DENND5A: variants seen among roughly 807,000 people sequenced by gnomAD.
The protein encoded by DENND5A is DENN domain containing 5A.
A neutral mutation model predicts 140.3 loss-of-function variants in DENND5A; 64 were observed. The observed-to-expected ratio is 0.46, with a 90% CI of 0.37 to 0.56. The LOEUF is 0.56. Among genes scored for constraint, DENND5A ranks in the 20% least tolerant of loss-of-function variants. The pLI, the probability that DENND5A is intolerant of heterozygous loss-of-function variation, is 0.00. For missense variants in DENND5A, 1,292 were observed against 1,593.8 expected (o/e 0.81, Z 3.22); for synonymous variants, 605 against 607.7 (o/e 1.00, Z 0.07).
At chr11:9,176,290 A>G (rs968945349) in intron 8 of DENND5A, among the ~76,000 whole-genome samples, 1 of 152,282 alleles carries the variant, frequency 6.6e-6, no homozygotes, top group Non-Finnish European at 1.5e-5. Flanking sequence ...CATCTGGCAA[A>G]TATTTCTTGA....
rs1847405428 is a variant in DENND5A, at chr11:9,145,660, T to A, written c.3003+10A>T. The A allele has an allele frequency of 1.2e-6, 2 of 1,613,918 alleles. No individual in the cohort carries two copies. The highest frequency in any genetic ancestry group is 1.7e-6 in the Non-Finnish European group (2 of 1,179,978). On this transcript the variant is annotated intron_variant, in intron 17 of 22. Transcript: ENST00000328194. ...ATCCCCACAGAGCTGTGGCCCCAAATAACACATACCTCGAAGGTCATCTCT... is the reference window on the plus strand; with the variant it reads ...ATCCCCACAGAGCTGTGGCCCCAAAAAACACATACCTCGAAGGTCATCTCT...
chr11:9,252,293 C>T (rs1851760174), intron 1 of DENND5A, among the ~76,000 whole-genome samples: 1 of 106,650 alleles, frequency 9.4e-6, no homozygotes, highest in Admixed American at 1.0e-4. Flanking sequence ...AAGACTCCGT[C>T]TCAAAAAAAA....
intron 1 of DENND5A, among the ~76,000 whole-genome samples, chr11:9,227,881 C>A (rs768992847): frequency 6.6e-6 from 1 of 151,536 alleles, no homozygotes; most frequent in Non-Finnish European, 1.5e-5. Flanking sequence ...GCCGTGGGGG[C>A]GGGTGGCGAA....
chr11:9,226,321 TA>T (rs1325229115), intron 1 of DENND5A, among the ~76,000 whole-genome samples: 1 of 152,206 alleles, frequency 6.6e-6, no homozygotes. Context: ...CCCTACGGTA[TA>T]ATTTGTCTGG....
intron 1 of DENND5A, chr11:9,245,309 C>CA (rs1046155668): frequency 1.4e-5 from 2 of 141,558 alleles, no homozygotes; most frequent in East Asian, 2.1e-4. Context: ...ACAAAAAAAA[C>CA]AAAAAATGCA....
At chr11:9,208,509 T>G (rs562592198) in intron 1 of DENND5A, among the ~76,000 whole-genome samples, 1 of 152,140 alleles carries the variant, frequency 6.6e-6, no homozygotes, top group South Asian at 2.1e-4. Context: ...ACCTCAAAAG[T>G]TTCTAAAAGA....
At chr11:9,187,108 T>G (rs1848939257) in intron 5 of DENND5A, among the ~76,000 whole-genome samples, 1 of 151,840 alleles carries the variant, frequency 6.6e-6, no homozygotes, top group African/African-American at 2.4e-5. Context: ...GAAGAAAGAA[T>G]TGAGCTAAAG....
At chr11:9,169,250 C>T (rs1395607564) in intron 10 of DENND5A, among the ~76,000 whole-genome samples, 3 of 152,056 alleles carry the variant, frequency 2.0e-5, no homozygotes, top group African/African-American at 7.2e-5. Context: ...TGTTTGAGAC[C>T]AGCCTGGCCA....
intron 1 of DENND5A, among the ~76,000 whole-genome samples, chr11:9,225,413 A>C (rs548870214): frequency 2.6e-5 from 4 of 152,212 alleles, no homozygotes; most frequent in Non-Finnish European, 5.9e-5. Context: ...CTGAATGAAC[A>C]CATGGTTAGT....
In DENND5A at chr11:9,165,926, G is replaced by A. The variant is rs1848175220; in HGVS notation, c.2193C>T (p.Arg731=). Residue 731 remains arginine (R), a synonymous_variant, in exon 11 of 23, where the codon CGC becomes CGT. Transcript: ENST00000328194. ...QEARTMGSTI[R]QPKLSNLSPS... ...GAGAGAGGTTGGACAGTTTGGGCTG[G>A]CGGATAGTGCTGCCCATAGTCCTGG... 1.2e-6 allele frequency: 2 copies of A among 1,613,976 alleles called. No homozygotes were observed. Among genetic ancestry groups the A allele is most frequent in the Admixed American group, 3.3e-5 (2 of 59,996 alleles).
chr11:9,183,401 A>C (rs1378444853), intron 5 of DENND5A, among the ~76,000 whole-genome samples: 2 of 152,092 alleles, frequency 1.3e-5, no homozygotes, highest in Non-Finnish European at 2.9e-5. Context: ...TATGCCTTTA[A>C]ATTTTTACAT....
rs180929808 is a variant in DENND5A at position 9,257,371 on chromosome 11, C to T, written c.109+7590G>A. ...CTACGGGCCTGGGAGGTCGAGGCTG[C>T]AGTGAGTCATGATTGTGCCACTGCA... is the stretch of plus-strand genomic sequence containing the variant. On this transcript the variant is annotated intron_variant, in intron 1 of 22. Coordinates refer to ENST00000328194, the MANE Select transcript of DENND5A (RefSeq NM_015213.4). 2.2e-4 allele frequency among the ~76,000 whole-genome samples: 32 copies of T among 147,686 alleles called. No individual in the cohort carries two copies. The Middle Eastern group carries it at 0.01, about 48-fold the overall frequency.
At chr11:9,192,364 C>T (rs1056997694) in intron 5 of DENND5A, among the ~76,000 whole-genome samples, 15 of 152,214 alleles carry the variant, frequency 9.9e-5, no homozygotes, top group African/African-American at 3.6e-4. Context: ...CGCGGTGGCT[C>T]ACGCCTGTAA....
intron 1 of DENND5A, among the ~76,000 whole-genome samples, chr11:9,223,231 GA>G (rs957037472): frequency 5.4e-5 from 8 of 148,334 alleles, no homozygotes; most frequent in East Asian, 3.9e-4. Flanking sequence ...TTTACCAAAA[GA>G]AAAAAAAAAT....
chr11:9,207,201 A>T (rs1381602903), intron 2 of DENND5A: 1 of 471,172 alleles, frequency 2.1e-6, no homozygotes, highest in African/African-American at 2.0e-5. Flanking sequence ...TATGCATTTC[A>T]ATGATCTCTG....
At chr11:9,148,920 C>A (rs1343757237) in intron 15 of DENND5A, among the ~76,000 whole-genome samples, 3 of 152,138 alleles carry the variant, frequency 2.0e-5, no homozygotes, top group Non-Finnish European at 2.9e-5. Context: ...GAGAAAGCAA[C>A]AAAGAAACTG....
chr11:9,170,733 T>C lies in DENND5A; in HGVS notation c.1951A>G (p.Ile651Val), dbSNP rs766374994. 1.3e-5 allele frequency: 21 copies of C among 1,613,810 alleles called. No individual in the cohort carries two copies. The highest frequency in any genetic ancestry group is 8.0e-5 in the African/African-American group (6 of 74,820). ...TTCATGTCAAGTAAATGTGGGTGAA[T>C]TGCAGTATGGTCAATTTTTGCCAGA... ...LRLAKIDHTA[I>V]HPHLLDMKIG... is the part of the protein sequence containing the mutation. The change falls in exon 9 of 23, where the codon ATT (isoleucine) becomes GTT (valine). Residue 651 changes from isoleucine (I) to valine (V), a missense_variant. Coordinates refer to ENST00000328194, the MANE Select transcript of DENND5A (RefSeq NM_015213.4).
chr11:9,246,552 C>T (rs893370125), intron 1 of DENND5A, among the ~76,000 whole-genome samples: 1 of 138,500 alleles, frequency 7.2e-6, no homozygotes, highest in African/African-American at 2.7e-5. Flanking sequence ...GTGGAGGTTA[C>T]AGTAAGCAGA....
At chr11:9,139,899 A>G in intron 22 of DENND5A, 45 bp from the exon 23 acceptor site, 1 of 1,585,686 alleles carries the variant, frequency 6.3e-7, no homozygotes. Context: ...GGGCAAAGGA[A>G]AAGGAAGAGA....
Sources: allele counts gnomAD v4.1 joint callset (sites outside exome capture counted in the v4.1 genomes callset), GRCh38; gene constraint gnomAD v4.1.1; transcripts MANE v1.5; gene names NCBI Gene and HGNC (gene_info 2026-07-23, HGNC 2026-07-21).